The following NCAPD2 variants were observed in gnomAD, a reference collection of about 807,000 sequenced individuals.
NCAPD2 encodes condensin complex subunit 1.
A neutral mutation model predicts 164.5 loss-of-function variants in NCAPD2; 100 were observed. The ratio of observed to expected loss-of-function variants is 0.61; its 90% CI spans 0.52 to 0.72. The LOEUF is 0.72. Ranked by LOEUF, NCAPD2 falls within the 30% of genes least tolerant of loss-of-function variation. The pLI is 0.00. For synonymous variants in NCAPD2, 585 were observed against 642.6 expected, an observed-to-expected ratio of 0.91 and a Z score of 1.36; for missense variants, 1,560 against 1,749.2, an observed-to-expected ratio of 0.89 and a Z score of 1.93.
rs887404872 is a variant in NCAPD2, at chr12:6,530,754, A to G, written c.3901A>G (p.Lys1301Glu). The change falls in exon 30 of 32, where the codon AAG becomes GAG. Residue 1301 changes from lysine to glutamate, a missense_variant. Transcript: ENST00000315579. The part of the protein sequence containing the change: ...ACHTRGLDGI[K>E]ELEIGQAGSQ... ...TCATACCAGAGGTTTGGATGGAATC[A>G]AGGAGCTTGAGATTGGCCAAGCAGG... The G allele has an allele frequency of 5.6e-6, 9 of 1,614,108 alleles. No individual in the cohort carries two copies. In the African/African-American group the frequency reaches 1.2e-4, roughly 22 times the overall value.
At chr12:6,495,395 A>G (rs562956181) in intron 2 of NCAPD2, among the ~76,000 whole-genome samples, 170 bp downstream of exon 2, 19 of 152,354 alleles carry the variant, frequency 1.2e-4, no homozygotes, top group Middle Eastern at 3.4e-3. Context: ...GCATGACCCA[A>G]AGAGTACATT....
chr12:6,495,395 A>T (rs562956181), intron 2 of NCAPD2, among the ~76,000 whole-genome samples, 170 bp downstream of exon 2: 1 of 152,236 alleles, frequency 6.6e-6, no homozygotes, highest in Middle Eastern at 3.2e-3. Flanking sequence ...GCATGACCCA[A>T]AGAGTACATT....
chr12:6,504,199 A>ATG (rs1446446344), intron 2 of NCAPD2, among the ~76,000 whole-genome samples: 2 of 24,332 alleles, frequency 8.2e-5, no homozygotes, highest in East Asian at 1.6e-3. Context: ...ATATATATAT[A>ATG]TATATATATA....
At chr12:6,498,834 T>A (rs1437790606) in intron 2 of NCAPD2, among the ~76,000 whole-genome samples, 1 of 152,090 alleles carries the variant, frequency 6.6e-6, no homozygotes, top group East Asian at 1.9e-4. Context: ...CTCGATCTCC[T>A]GACCTTGGAT....
chr12:6,501,538 T>G (rs933650330), intron 2 of NCAPD2, among the ~76,000 whole-genome samples: 1 of 152,178 alleles, frequency 6.6e-6, no homozygotes, highest in African/African-American at 2.4e-5. Flanking sequence ...TGCCATTTAC[T>G]GAGATGGGGT....
At chr12:6,517,750 G>C in intron 12 of NCAPD2, 29 bp from the exon 13 acceptor site, 1 of 1,614,084 alleles carries the variant, frequency 6.2e-7, no homozygotes, top group East Asian at 2.2e-5. Context: ...AAACTCTAGT[G>C]AAAGAGACTA....
Position 6,531,578 on chromosome 12 carries a change from G to T in NCAPD2, c.*166G>T. 7.1e-7 allele frequency: 1 copy of T among 1,414,534 alleles called. No individual in the cohort carries two copies. Among genetic ancestry groups the T allele is most frequent in the East Asian group, 2.6e-5 (1 of 38,978 alleles). 87.6% of individuals were successfully genotyped at this position (1,414,534 alleles called of 1,614,324 possible). A position where few individuals can be genotyped will look rare whatever the true frequency, so the allele number is the denominator to read the frequency against. ...CCCAGCACTTTGCGATACCAAGGCG[G>T]GTGGATAACCTGAGGTAGGGAGTTC... is the stretch of plus-strand genomic sequence containing the variant. On this transcript the variant is annotated 3_prime_UTR_variant, in exon 32 of 32. Transcript: ENST00000315579. This position sits in a 1 kb window ranked among gnomAD's most constrained non-coding sequence, Gnocchi z 4.1.
At position 6,525,565 on chromosome 12, in the gene NCAPD2, T is replaced by C. The variant is rs1241962719; in HGVS notation, c.2215-18T>C. On this transcript the variant is annotated intron_variant, in intron 17 of 31. Transcript: ENST00000315579. The stretch of plus-strand genomic sequence containing the variant: ...AATTGTTCATTTTTGGCTTGAGCCC[T>C]TTTTCTTTTCTCTTTAGCTCTGTGA... 1.3e-6 allele frequency: 2 copies of C among 1,585,816 alleles called. No homozygotes were observed. Among genetic ancestry groups the C allele is most frequent in the Admixed American group, 1.7e-5 (1 of 57,566 alleles).
At position 6,523,095 on chromosome 12, in the gene NCAPD2, A is replaced by C. The variant is rs112547651; in HGVS notation, c.2129+93A>C. 5.3e-4 allele frequency: 809 copies of C among 1,523,340 alleles called. 5 individuals are homozygous for C. The African/African-American group carries it at 1.0e-2, about 19-fold the overall frequency. 94.4% of individuals were successfully genotyped at this position (1,523,340 alleles called of 1,614,324 possible). On this transcript the variant is annotated intron_variant, in intron 16 of 31. Transcript: ENST00000315579. Reference sequence around the variant, plus strand: ...CCTAAAGGAAGAGGTGCATTTCTCCAGGGGAGTTCCAGATCCATAGGCAGT... The same window carrying C: ...CCTAAAGGAAGAGGTGCATTTCTCCCGGGGAGTTCCAGATCCATAGGCAGT...
At chr12:6,494,510 G>C (rs1223145297) in intron 1 of NCAPD2, among the ~76,000 whole-genome samples, 2 of 152,228 alleles carry the variant, frequency 1.3e-5, no homozygotes, top group African/African-American at 4.8e-5. Context: ...CAGCCTAACA[G>C]ACTTGGCACA....
Position 6,522,973 on chromosome 12 carries a change from C to G in NCAPD2, c.2100C>G (p.Leu700=). The part of the protein sequence containing the change: ...REAVLNAYRQ[L]YLNPKGDSAR... ...CCGTGCTTAATGCCTACCGCCAACT[C>G]TACCTCAACCCCAAAGGGGACTCTG... Residue 700 remains leucine (L), a synonymous_variant, in exon 16 of 32, where the codon CTC becomes CTG. Transcript: ENST00000315579. The G allele has an allele frequency of 6.2e-7, 1 of 1,614,230 alleles. No individual in the cohort carries two copies. The highest frequency in any genetic ancestry group is 8.5e-7 in the Non-Finnish European group (1 of 1,180,046).
Position 6,517,615 on chromosome 12 carries a change from C to T in NCAPD2, c.1340C>T (p.Ala447Val). The stretch of plus-strand genomic sequence containing the variant: ...TGATAGCTTAGTGATGCTGACCTTG[C>T]CGGACCACTGCAGAAGGAGACCCAG... ...FSCKLSDADL[A>V]GPLQKETQKL... Residue 447 changes from alanine (A) to valine (V), a missense_variant, in exon 12 of 32, where the codon GCC becomes GTC. Coordinates refer to ENST00000315579, the MANE Select transcript of NCAPD2 (RefSeq NM_014865.4). The T allele has an allele frequency of 6.2e-7, 1 of 1,614,210 alleles. No individual in the cohort carries two copies. The highest frequency in any genetic ancestry group is 8.5e-7 in the Non-Finnish European group (1 of 1,180,042).
At chr12:6,504,222 T>TATACAC (rs1946076664) in intron 2 of NCAPD2, among the ~76,000 whole-genome samples, 1 of 27,204 alleles carries the variant, frequency 3.7e-5, no homozygotes, top group South Asian at 7.3e-4. Flanking sequence ...TATATAGATA[T>TATACAC]AGATATATAT....
Position 6,522,975 on chromosome 12 carries a change from A to C in NCAPD2, c.2102A>C (p.Tyr701Ser). The C allele has an allele frequency of 6.2e-7, 1 of 1,613,988 alleles. No individual in the cohort carries two copies. Among genetic ancestry groups the C allele is most frequent in the Non-Finnish European group, 8.5e-7 (1 of 1,180,004 alleles). ...GTGCTTAATGCCTACCGCCAACTCT[A>C]CCTCAACCCCAAAGGGGACTCTGCC... The part of the protein sequence containing the change: ...EAVLNAYRQL[Y>S]LNPKGDSARA... The change falls in exon 16 of 32, where the codon TAC (tyrosine) becomes TCC (serine). Residue 701 changes from tyrosine (Y) to serine (S), a missense_variant. Tyr to Ser is a moderately radical substitution (Grantham distance 144). Coordinates refer to ENST00000315579, the MANE Select transcript of NCAPD2 (RefSeq NM_014865.4).
At chr12:6,526,714 T>G in intron 21 of NCAPD2, 99 bp downstream of exon 21, 1 of 1,485,170 alleles carries the variant, frequency 6.7e-7, no homozygotes, top group Non-Finnish European at 9.1e-7. Flanking sequence ...CAACCCTTAG[T>G]GTACACTGTG....
intron 21 of NCAPD2, 126 bp from the exon 22 acceptor site, chr12:6,526,765 C>T (rs1946321658): frequency 1.4e-6 from 2 of 1,419,638 alleles, no homozygotes; most frequent in Non-Finnish European, 1.9e-6. Flanking sequence ...TTCCCACCCC[C>T]AACTCTTACT....
Position 6,514,873 on chromosome 12 carries a change from A to C in NCAPD2, c.940A>C (p.Ile314Leu). 1 of 1,614,222 alleles carries C rather than the reference A, an allele frequency of 6.2e-7. No individual in the cohort carries two copies. Residue 314 changes from isoleucine to leucine, a missense_variant, in exon 9 of 32, where the codon ATC becomes CTC. By Grantham distance (5) the Ile-to-Leu change is conservative. Coordinates refer to ENST00000315579, the MANE Select transcript of NCAPD2 (RefSeq NM_014865.4). ...LTELAERVPA[I>L]LMSSMCILLD... is the part of the protein sequence containing the mutation. ...AGAACTAGCAGAACGTGTCCCAGCT[A>C]TCCTGATGTCCAGCATGTGCATTTT... is the stretch of plus-strand genomic sequence containing the variant.
intron 2 of NCAPD2, among the ~76,000 whole-genome samples, chr12:6,508,945 A>G (rs1946121338): frequency 6.6e-6 from 1 of 152,228 alleles, no homozygotes; most frequent in Non-Finnish European, 1.5e-5. Flanking sequence ...ATTGTACAAA[A>G]TAAGTGACAA....
chr12:6,518,509 T>TTTTTTTGTTTGTTTTG (rs1946229257), intron 13 of NCAPD2, among the ~76,000 whole-genome samples: 1 of 95,638 alleles, frequency 1.0e-5, no homozygotes, highest in African/African-American at 4.7e-5. Flanking sequence ...AACAAGTTTT[T>TTTTTTTGTTTGTTTTG]TTTTTTTTTT....
Sources: allele counts gnomAD v4.1 joint callset (sites outside exome capture counted in the v4.1 genomes callset), GRCh38; gene constraint gnomAD v4.1.1; non-coding constraint Gnocchi (gnomAD v3.1); transcripts MANE v1.5; gene names NCBI Gene and HGNC (gene_info 2026-07-23, HGNC 2026-07-21).